Variants in TRRAP observed in about 807,000 individuals in gnomAD.
The protein encoded by TRRAP is transformation/transcription domain associated protein.
A neutral mutation model predicts 438.8 loss-of-function variants in TRRAP; 41 were observed. That is an observed-to-expected ratio of 0.09 (90% CI 0.07 to 0.12). The LOEUF (loss-of-function observed/expected upper bound fraction) is 0.12. Among genes scored for constraint, TRRAP ranks in the 10% least tolerant of loss-of-function variants. The pLI is 1.00. For missense variants in TRRAP, 3,122 were observed against 5,055.1 expected, an observed-to-expected ratio of 0.62 and a Z score of 11.60; for synonymous variants, 1,994 against 1,962.9, an observed-to-expected ratio of 1.02 and a Z score of -0.42.
Position 98,983,278 on chromosome 7 carries a change from C to G in TRRAP, c.8841C>G (p.Ile2947Met). 5 of 1,612,846 alleles carry G rather than the reference C, an allele frequency of 3.1e-6. No homozygotes were observed. The highest frequency in any genetic ancestry group is 4.2e-6 in the Non-Finnish European group (5 of 1,179,210). Reference sequence around the variant, plus strand: ...GGTCCCATCAGGCAGCCCAGCAAATCATCGAACTCCAGGAAGCTGCACAAA... The same window carrying G: ...GGTCCCATCAGGCAGCCCAGCAAATGATCGAACTCCAGGAAGCTGCACAAA... Reference protein sequence around the residue: ...HTPLLQAAQQIIELQEAAQIN... With the variant: ...HTPLLQAAQQMIELQEAAQIN... Residue 2947 changes from isoleucine (I) to methionine (M), a missense_variant, in exon 60 of 73, where the codon ATC becomes ATG. Transcript: ENST00000456197.
chr7:98,882,940 T>G (rs1032443573), intron 3 of TRRAP, among the ~76,000 whole-genome samples: 4 of 152,256 alleles, frequency 2.6e-5, no homozygotes, highest in Non-Finnish European at 2.9e-5. Context: ...ATTACAGGCA[T>G]GGGCCACTGT....
chr7:98,934,701 C>T (rs1790481289), intron 27 of TRRAP, among the ~76,000 whole-genome samples: 1 of 152,178 alleles, frequency 6.6e-6, no homozygotes, highest in South Asian at 2.1e-4. Flanking sequence ...GAAAGCTTCC[C>T]AGGTGATGCT....
chr7:99,006,742 T>C (rs1188034197), intron 69 of TRRAP, among the ~76,000 whole-genome samples: 1 of 152,258 alleles, frequency 6.6e-6, no homozygotes, highest in Non-Finnish European at 1.5e-5. Context: ...TCTGCCATCT[T>C]CTGGAAATCT....
chr7:98,967,650 G>C lies in TRRAP; in HGVS notation c.7464G>C (p.Gln2488His). ...GCTTGCTCTATGTGACCTGTTCGCA[G>C]AACTGGGAAGCCATGGGGAACCACT... ...YERLLYVTCS[Q>H]NWEAMGNHFW... Residue 2488 changes from glutamine (Q) to histidine (H), a missense_variant, in exon 51 of 73, where the codon CAG becomes CAC. Transcript: ENST00000456197. 1 of 1,614,044 alleles carries C rather than the reference G, an allele frequency of 6.2e-7. No individual in the cohort carries two copies. Among genetic ancestry groups the C allele is most frequent in the Non-Finnish European group, 8.5e-7 (1 of 1,180,012 alleles).
At chr7:98,918,862 C>T (rs1554409985) in intron 20 of TRRAP, among the ~76,000 whole-genome samples, 1 of 151,854 alleles carries the variant, frequency 6.6e-6, no homozygotes, top group Non-Finnish European at 1.5e-5. Context: ...TTGAAACCAG[C>T]CTGGCCAACA....
intron 8 of TRRAP, among the ~76,000 whole-genome samples, chr7:98,898,319 C>T (rs1554406102): frequency 6.6e-6 from 1 of 152,180 alleles, no homozygotes; most frequent in African/African-American, 2.4e-5. Context: ...CTTATTTTTC[C>T]TCTCATTATC....
intron 9 of TRRAP, 25 bp downstream of exon 9, chr7:98,899,524 T>C (rs1554406294): frequency 6.2e-7 from 1 of 1,612,888 alleles, no homozygotes; most frequent in South Asian, 1.1e-5. Flanking sequence ...CATTAGTCTC[T>C]TGGGTTTTGG....
chr7:98,879,026 C>T (rs1274944493), intron 1 of TRRAP, among the ~76,000 whole-genome samples: 2 of 151,854 alleles, frequency 1.3e-5, no homozygotes, highest in Non-Finnish European at 2.9e-5. Flanking sequence ...CAACCTGGCA[C>T]CTCCGGGCCT....
chr7:98,966,230 C>T (rs1244844971), intron 49 of TRRAP, among the ~76,000 whole-genome samples: 2 of 151,822 alleles, frequency 1.3e-5, no homozygotes, highest in Non-Finnish European at 2.9e-5. Flanking sequence ...GGCGTGAACC[C>T]AGGAGGTGGA....
At chr7:98,921,681 T>G in intron 20 of TRRAP, 72 bp from the exon 21 acceptor site, 1 of 1,593,098 alleles carries the variant, frequency 6.3e-7, no homozygotes, top group African/African-American at 1.3e-5. Flanking sequence ...TGGCCTCCCT[T>G]TTGAGTTTTG....
chr7:98,991,780 G>A (rs1793442815), intron 64 of TRRAP, among the ~76,000 whole-genome samples: 1 of 152,120 alleles, frequency 6.6e-6, no homozygotes, highest in Non-Finnish European at 1.5e-5. Flanking sequence ...CAGATTAGCT[G>A]GTATTTGTTT....
intron 10 of TRRAP, 40 bp from the exon 11 acceptor site, chr7:98,900,584 C>T (rs1796428627): frequency 6.5e-7 from 1 of 1,527,862 alleles, no homozygotes; most frequent in Admixed American, 1.9e-5. Flanking sequence ...TAACATCACT[C>T]ATAATTGAGA....
intron 63 of TRRAP, 127 bp downstream of exon 63, chr7:98,989,093 C>G: frequency 2.1e-6 from 2 of 967,754 alleles, no homozygotes; most frequent in Non-Finnish European, 3.1e-6. Flanking sequence ...ACTCTTAATC[C>G]TCATCACTGT....
chr7:99,009,052 C>G (rs1794318459), intron 70 of TRRAP, among the ~76,000 whole-genome samples: 2 of 152,154 alleles, frequency 1.3e-5, no homozygotes, highest in South Asian at 4.1e-4. Context: ...TGGGGCCCAG[C>G]TGTTTCGGTT....
At chr7:98,909,838 G>A (rs537789181) in intron 14 of TRRAP, among the ~76,000 whole-genome samples, 26 of 152,156 alleles carry the variant, frequency 1.7e-4, no homozygotes, top group Admixed American at 2.0e-4. Context: ...GATGTTACCA[G>A]CCTTCCACCA....
At chr7:98,924,098 A>G (rs574755871) in intron 21 of TRRAP, among the ~76,000 whole-genome samples, 2 of 152,336 alleles carry the variant, frequency 1.3e-5, no homozygotes, top group Non-Finnish European at 2.9e-5. Context: ...CAGAAAGTTC[A>G]TTATTATTCT....
intron 4 of TRRAP, among the ~76,000 whole-genome samples, chr7:98,891,323 T>G (rs1305808076): frequency 6.7e-6 from 1 of 150,002 alleles, no homozygotes; most frequent in Non-Finnish European, 1.5e-5. Context: ...ACAATTCTCC[T>G]GCCTCAGCCT....
chr7:98,903,367 C>G lies in TRRAP; in HGVS notation c.898-12C>G. The G allele has an allele frequency of 6.2e-7, 1 of 1,614,022 alleles. No homozygotes were observed. ...ATCCCTGTAACTGTGTCATCTCACT[C>G]TGTTCTTACAGGAGTTGGTGACTAA... On this transcript the variant is annotated splice_polypyrimidine_tract_variant and intron_variant, in intron 11 of 72. Coordinates refer to ENST00000456197, the MANE Select transcript of TRRAP (RefSeq NM_001375524.1).
chr7:98,972,861 G>A (rs2116714895), intron 53 of TRRAP, among the ~76,000 whole-genome samples: 1 of 152,362 alleles, frequency 6.6e-6, no homozygotes, highest in South Asian at 2.1e-4. Flanking sequence ...ATACCCAAGT[G>A]ACACCATTGT....
Sources: gnomAD v4.1 joint callset for allele counts (sites outside exome capture counted in the v4.1 genomes callset) on GRCh38, gnomAD v4.1.1 for gene constraint, MANE v1.5 for transcripts, NCBI Gene and HGNC (gene_info 2026-07-23, HGNC 2026-07-21) for gene names.